Variants in ATE1 observed in about 807,000 individuals in gnomAD.
The protein encoded by ATE1 is arginyl-tRNA--protein transferase 1.
In ATE1, 36 loss-of-function variants were observed where a neutral mutation model predicts 70.5. The observed-to-expected ratio is 0.51, with a 90% CI of 0.39 to 0.67. The LOEUF is 0.67. Among genes scored for constraint, ATE1 ranks in the 30% least tolerant of loss-of-function variants. ATE1 has a pLI of 0.00. For missense variants in ATE1, 593 were observed against 629.5 expected (o/e 0.94, Z 0.62); for synonymous variants, 232 against 219.3 (o/e 1.06, Z -0.51).
At chr10:121,912,371 G>A (rs563617289) in intron 4 of ATE1, among the ~76,000 whole-genome samples, 15 of 152,018 alleles carry the variant, frequency 9.9e-5, no homozygotes, top group African/African-American at 3.6e-4. Context: ...AAGAGAGGCA[G>A]CCAGATGTGG....
intron 11 of ATE1, among the ~76,000 whole-genome samples, chr10:121,770,431 T>C (rs1409044685): frequency 6.6e-6 from 1 of 152,186 alleles, no homozygotes; most frequent in African/African-American, 2.4e-5. Context: ...TTAGCAAAGG[T>C]AGTATTTCAG....
At chr10:121,868,411 A>G (rs758169427) in intron 8 of ATE1, among the ~76,000 whole-genome samples, 1 of 152,180 alleles carries the variant, frequency 6.6e-6, no homozygotes, top group East Asian at 1.9e-4. Flanking sequence ...ACTCAAATTA[A>G]TTTTTTCACT....
intron 7 of ATE1, among the ~76,000 whole-genome samples, chr10:121,895,876 C>A (rs1314914305): frequency 6.6e-6 from 1 of 151,856 alleles, no homozygotes; most frequent in Non-Finnish European, 1.5e-5. Context: ...CAATATGGCA[C>A]CATGCACTCC....
rs1249807740 is a variant in ATE1 at position 121,902,623 on chromosome 10, A to C, written c.584-3T>G. ...CTTACTCAAATCAGCCCCTTTGCCT[A>C]AAAAGAATTTTAAAATATTAGACCA... On this transcript the variant is annotated splice_polypyrimidine_tract_variant and splice_region_variant and intron_variant, in intron 5 of 11. Transcript: ENST00000224652. The C allele has an allele frequency of 6.3e-7, 1 of 1,590,144 alleles. No individual in the cohort carries two copies. Among genetic ancestry groups the C allele is most frequent in the Non-Finnish European group, 8.6e-7 (1 of 1,168,130 alleles).
At chr10:121,912,495 C>CA (rs555347425) in intron 4 of ATE1, among the ~76,000 whole-genome samples, 1 of 150,924 alleles carries the variant, frequency 6.6e-6, no homozygotes, top group African/African-American at 2.4e-5. Context: ...ACTAAAAATA[C>CA]AAAAAAATTA....
At chr10:121,810,630 T>G (rs1300384081) in intron 10 of ATE1, among the ~76,000 whole-genome samples, 4 of 152,188 alleles carry the variant, frequency 2.6e-5, no homozygotes, top group African/African-American at 9.6e-5. Context: ...CTAGTATGAC[T>G]GAAACATCAA....
chr10:121,905,702 G>A (rs552066343), intron 5 of ATE1, among the ~76,000 whole-genome samples: 2 of 152,114 alleles, frequency 1.3e-5, no homozygotes, highest in South Asian at 4.2e-4. Flanking sequence ...AAAATCAGCC[G>A]GGAGTGTCGG....
In ATE1 at chr10:121,922,372, T is replaced by C. The variant is rs562713836; in HGVS notation, c.210A>G (p.Thr70=). The change falls in exon 3 of 12, where the codon ACA becomes ACG. Residue 70 remains threonine (T), a synonymous_variant. Transcript: ENST00000224652. The part of the protein sequence containing the change: ...KYVYKPVMNQ[T]CCPQYTIRCR... The stretch of plus-strand genomic sequence containing the variant: ...ACCTTATTGTGTACTGAGGACAACA[T>C]GTTTGATTCATGACAGGTTTGTACA... 5 of 1,599,622 alleles carry C rather than the reference T, an allele frequency of 3.1e-6. No individual in the cohort carries two copies. The East Asian group carries it at 8.9e-5, about 29-fold the overall frequency.
intron 11 of ATE1, among the ~76,000 whole-genome samples, chr10:121,747,610 G>A (rs1944422106): frequency 6.6e-6 from 1 of 152,158 alleles, no homozygotes; most frequent in Non-Finnish European, 1.5e-5. Flanking sequence ...TCACCTTTCT[G>A]TGCCTTGCTT....
At chr10:121,745,364 C>T (rs1944307658) in intron 11 of ATE1, among the ~76,000 whole-genome samples, 1 of 152,128 alleles carries the variant, frequency 6.6e-6, no homozygotes, top group African/African-American at 2.4e-5. Flanking sequence ...GATCCTAATA[C>T]AAAAACTACT....
intron 10 of ATE1, among the ~76,000 whole-genome samples, chr10:121,835,886 T>C (rs1948414319): frequency 6.6e-6 from 1 of 152,180 alleles, no homozygotes; most frequent in African/African-American, 2.4e-5. Flanking sequence ...TTTTCTTTAA[T>C]GTGGCATGTC....
chr10:121,842,695 G>T lies in ATE1; in HGVS notation c.976-1432C>A, dbSNP rs550824107. ...CATTAGAAAAGCAGCTTTTTAAAAG[G>T]CAATTAATGAACAATCAATGTAATT... On this transcript the variant is annotated intron_variant, in intron 8 of 11. Coordinates refer to ENST00000224652, the MANE Select transcript of ATE1 (RefSeq NM_001001976.3). 3.3e-5 allele frequency among the ~76,000 whole-genome samples: 5 copies of T among 152,200 alleles called. No homozygotes were observed. The East Asian group carries it at 9.7e-4, about 29-fold the overall frequency.
At chr10:121,795,042 G>GT (rs1590321515) in intron 10 of ATE1, among the ~76,000 whole-genome samples, 1 of 152,156 alleles carries the variant, frequency 6.6e-6, no homozygotes, top group East Asian at 1.9e-4. Flanking sequence ...GAGGCCAAGA[G>GT]TTTGAGACCA....
At chr10:121,786,202 GTTTTTTTTTTTTTTTTTTT>G (rs66781912) in intron 11 of ATE1, among the ~76,000 whole-genome samples, 1 of 84,496 alleles carries the variant, frequency 1.2e-5, no homozygotes, top group Non-Finnish European at 2.1e-5. Context: ...GCTCAAGAAA[GTTTTTTTTTTTTTTTTTTT>G]TTTTTTTTTT....
intron 11 of ATE1, among the ~76,000 whole-genome samples, chr10:121,757,859 A>T (rs1452057166): frequency 1.3e-5 from 2 of 152,196 alleles, no homozygotes. Flanking sequence ...TCACCTTCCC[A>T]TCATATTCCC....
intron 5 of ATE1, among the ~76,000 whole-genome samples, chr10:121,905,064 C>T (rs1003584134): frequency 6.6e-6 from 1 of 152,190 alleles, no homozygotes; most frequent in African/African-American, 2.4e-5. Context: ...CTCTGTCTGA[C>T]ACAAGCTGCC....
intron 7 of ATE1, among the ~76,000 whole-genome samples, chr10:121,894,774 A>G (rs1950712861): frequency 3.3e-5 from 5 of 151,756 alleles, no homozygotes; most frequent in Admixed American, 3.3e-4. Flanking sequence ...GGTGGCGGGC[A>G]CCTGTAGTCC....
Position 121,741,797 on chromosome 10 carries a change from A to T in ATE1, c.*1883T>A, listed in dbSNP as rs1386967779. 1 of 152,232 alleles carries T rather than the reference A, an allele frequency of 6.6e-6. No individual in the cohort carries two copies. Among genetic ancestry groups the T allele is most frequent in the Non-Finnish European group, 1.5e-5 (1 of 68,046 alleles). 9.4% of individuals were successfully genotyped at this position (152,232 alleles called of 1,614,324 possible). The stretch of plus-strand genomic sequence containing the variant: ...GTTGAGGAAATAAAACAGCATGTAG[A>T]ACATAATTCTATTTATATTAAAATT... On this transcript the variant is annotated 3_prime_UTR_variant, in exon 12 of 12. Coordinates refer to ENST00000224652, the MANE Select transcript of ATE1 (RefSeq NM_001001976.3).
chr10:121,875,592 A>G (rs1950027199), intron 7 of ATE1, among the ~76,000 whole-genome samples: 1 of 152,112 alleles, frequency 6.6e-6, no homozygotes, highest in African/African-American at 2.4e-5. Flanking sequence ...GGCGTGAGCC[A>G]CCGCGCCCAG....
Sources: gnomAD v4.1 joint callset for allele counts (sites outside exome capture counted in the v4.1 genomes callset) on GRCh38, gnomAD v4.1.1 for gene constraint, MANE v1.5 for transcripts, NCBI Gene and HGNC (gene_info 2026-07-23, HGNC 2026-07-21) for gene names.